Variants in CNTN1 observed in about 807,000 individuals in gnomAD.
CNTN1 encodes the protein contactin 1, also known as contactin-1.
Under a neutral mutation model 126.4 loss-of-function variants are expected in CNTN1, and 38 were observed. The ratio of observed to expected loss-of-function variants is 0.30; its 90% CI spans 0.23 to 0.39. The LOEUF (loss-of-function observed/expected upper bound fraction) is 0.39, where lower values mean the gene tolerates loss of function less well. Among genes scored for constraint, CNTN1 ranks in the 10% least tolerant of loss-of-function variants. The pLI is 1.00. For missense variants in CNTN1, 1,009 were observed against 1,248.4 expected (o/e 0.81, Z 2.89); for synonymous variants, 413 against 422.6 (o/e 0.98, Z 0.28).
chr12:40,920,737 T>C (rs1448059101), intron 4 of CNTN1, among the ~76,000 whole-genome samples: 1 of 152,138 alleles, frequency 6.6e-6, no homozygotes, highest in Non-Finnish European at 1.5e-5. Flanking sequence ...ACTTCTGACT[T>C]ATAAGCCTTG....
chr12:40,798,613 G>A lies in CNTN1; in HGVS notation c.-77+106021G>A, dbSNP rs188306255. 9.9e-5 allele frequency among the ~76,000 whole-genome samples: 15 copies of A among 151,872 alleles called. No homozygotes were observed. The East Asian group carries it at 2.7e-3, about 28-fold the overall frequency. On this transcript the variant is annotated intron_variant, in intron 1 of 23. Transcript: ENST00000551295. ...AGGGACAAGGATGGAACTGGAGGCC[G>A]TTATCCTTAGCAGACTAACACAGGA...
In CNTN1 at chr12:41,070,088, C is replaced by T; in HGVS notation, c.*53C>T. 1 of 1,466,294 alleles carries T rather than the reference C, an allele frequency of 6.8e-7. No individual in the cohort carries two copies. The allele number at this position is 1,466,294 out of a possible 1,614,324, so 90.8% of individuals were successfully genotyped here. On this transcript the variant is annotated 3_prime_UTR_variant, in exon 24 of 24. Transcript: ENST00000551295. ...CCCAGCTCAGAAGACACCCTTCAACCCTGGGATGACCACAATTCCTTCCAA... is the reference window on the plus strand; with the variant it reads ...CCCAGCTCAGAAGACACCCTTCAACTCTGGGATGACCACAATTCCTTCCAA...
intron 1 of CNTN1, among the ~76,000 whole-genome samples, chr12:40,725,730 C>G (rs1359948733): frequency 6.6e-6 from 1 of 152,114 alleles, no homozygotes; most frequent in Non-Finnish European, 1.5e-5. Context: ...AACTAGCTCA[C>G]CTCAGCTCTT....
At position 40,932,280 on chromosome 12, in the gene CNTN1, A is replaced by T. The variant is rs138601988; in HGVS notation, c.704-1181A>T. ...CATACTGTTCTTGTGGTAGTGAATAAGTCTCATGAGATCTGATGGTTGTAT... is the reference window on the plus strand; with the variant it reads ...CATACTGTTCTTGTGGTAGTGAATATGTCTCATGAGATCTGATGGTTGTAT... On this transcript the variant is annotated intron_variant, in intron 7 of 23. Transcript: ENST00000551295. Among the ~76,000 whole-genome samples the T allele has an allele frequency of 5.5e-4, 84 of 152,038 alleles. 1 individual carries two copies. The East Asian group carries it at 9.1e-3, about 16-fold the overall frequency.
intron 1 of CNTN1, among the ~76,000 whole-genome samples, chr12:40,779,507 AT>A: frequency 6.6e-6 from 1 of 151,848 alleles, no homozygotes; most frequent in Non-Finnish European, 1.5e-5. Context: ...TAAGAGATTA[AT>A]TTTTTTATTG....
At position 40,784,819 on chromosome 12, in the gene CNTN1, C is replaced by T. The variant is rs913547938; in HGVS notation, c.-77+92227C>T. Among the ~76,000 whole-genome samples the T allele has an allele frequency of 2.0e-5, 3 of 152,244 alleles. No homozygotes were observed. In the South Asian group the frequency reaches 6.2e-4, roughly 32 times the overall value. ...CACCTTCCCACTGATTGGATTGGCACAAATCTGCCCTTAGAATTCAGAAAT... is the reference window on the plus strand; with the variant it reads ...CACCTTCCCACTGATTGGATTGGCATAAATCTGCCCTTAGAATTCAGAAAT... On this transcript the variant is annotated intron_variant, in intron 1 of 23. Coordinates refer to ENST00000551295, the MANE Select transcript of CNTN1 (RefSeq NM_001843.4).
chr12:40,814,989 T>G (rs1249207415), intron 1 of CNTN1, among the ~76,000 whole-genome samples: 1 of 152,110 alleles, frequency 6.6e-6, no homozygotes, highest in Non-Finnish European at 1.5e-5. Flanking sequence ...GATTTGGCTC[T>G]CTGTTGGTCT....
chr12:40,918,753 G>A lies in CNTN1; in HGVS notation c.209G>A (p.Ser70Asn). The stretch of plus-strand genomic sequence containing the variant: ...TCACTCAACTGTAGGGCACGAGCCA[G>A]CCCTTTCCCGGTTTACAAGTAATGT... ...KVSLNCRARA[S>N]PFPVYKWRMN... Residue 70 changes from serine to asparagine, a missense_variant, in exon 4 of 24, where the codon AGC becomes AAC. Coordinates refer to ENST00000551295, the MANE Select transcript of CNTN1 (RefSeq NM_001843.4). 1.2e-6 allele frequency: 2 copies of A among 1,613,688 alleles called. No individual in the cohort carries two copies. The highest frequency in any genetic ancestry group is 2.2e-5 in the East Asian group (1 of 44,866).
At chr12:40,825,079 C>G (rs1941567413) in intron 1 of CNTN1, among the ~76,000 whole-genome samples, 1 of 152,050 alleles carries the variant, frequency 6.6e-6, no homozygotes. Context: ...ATTTGACTTC[C>G]TAGCATCTAG....
intron 1 of CNTN1, among the ~76,000 whole-genome samples, chr12:40,830,832 TATAC>T (rs1565797659): frequency 2.3e-5 from 2 of 88,684 alleles, no homozygotes; most frequent in African/African-American, 4.2e-5. Flanking sequence ...TATATATATA[TATAC>T]TCTTTATCTG....
intron 23 of CNTN1, among the ~76,000 whole-genome samples, chr12:41,031,578 A>G (rs1450145642): frequency 1.3e-5 from 2 of 152,180 alleles, no homozygotes; most frequent in African/African-American, 4.8e-5. Context: ...CAGGGGTTGT[A>G]TCGGTTGATT....
intron 17 of CNTN1, among the ~76,000 whole-genome samples, chr12:41,007,096 G>T (rs543396173): frequency 1.8e-5 from 2 of 109,886 alleles, no homozygotes; most frequent in South Asian, 6.3e-4. Flanking sequence ...GTCTCGCTCT[G>T]TCGCCCAGGC....
intron 23 of CNTN1, among the ~76,000 whole-genome samples, chr12:41,039,664 C>G (rs975443027): frequency 3.9e-5 from 6 of 151,934 alleles, no homozygotes; most frequent in Admixed American, 1.3e-4. Context: ...ATAAACTTGT[C>G]AGAGAACCAA....
chr12:40,976,368 G>T (rs1419803009), intron 15 of CNTN1, among the ~76,000 whole-genome samples: 1 of 151,898 alleles, frequency 6.6e-6, no homozygotes, highest in Non-Finnish European at 1.5e-5. Context: ...GTTAACTTTG[G>T]GGTAAACAGT....
chr12:40,906,046 C>T (rs12301044), intron 1 of CNTN1, among the ~76,000 whole-genome samples: 15,492 of 152,174 alleles, frequency 0.1, 868 homozygotes, highest in Non-Finnish European at 0.12. Flanking sequence ...GAGGCCGAGG[C>T]GGGCGGATCA....
intron 1 of CNTN1, among the ~76,000 whole-genome samples, chr12:40,825,855 A>C (rs942056196): frequency 2.6e-5 from 3 of 115,550 alleles, no homozygotes; most frequent in Admixed American, 1.0e-4. Flanking sequence ...TGAAATGCTG[A>C]TGATGATGTG....
At chr12:40,870,778 C>A (rs866928164) in intron 1 of CNTN1, among the ~76,000 whole-genome samples, 1 of 151,938 alleles carries the variant, frequency 6.6e-6, no homozygotes, top group Admixed American at 6.6e-5. Context: ...CCAAACACAC[C>A]GTCACACACA....
intron 23 of CNTN1, among the ~76,000 whole-genome samples, chr12:41,058,173 A>ATCAT (rs912312334): frequency 6.6e-6 from 1 of 152,082 alleles, no homozygotes; most frequent in African/African-American, 2.4e-5. Flanking sequence ...GTAAATCCAA[A>ATCAT]ATGAGTCAAT....
At chr12:41,047,300 G>C (rs747656033) in intron 23 of CNTN1, among the ~76,000 whole-genome samples, 1 of 152,066 alleles carries the variant, frequency 6.6e-6, no homozygotes, top group Non-Finnish European at 1.5e-5. Flanking sequence ...CCTTCCCACT[G>C]TTCCCTCTAA....
Sources: gnomAD v4.1 joint callset for allele counts (sites outside exome capture counted in the v4.1 genomes callset) on GRCh38, gnomAD v4.1.1 for gene constraint, MANE v1.5 for transcripts, NCBI Gene and HGNC (gene_info 2026-07-23, HGNC 2026-07-21) for gene names.